The following HSPA12A variants were observed in gnomAD, a reference collection of about 807,000 sequenced individuals.
HSPA12A encodes the protein heat shock protein family A (Hsp70) member 12A.
HSPA12A carries 28 observed loss-of-function variants against 69.2 expected under a neutral mutation model. The ratio of observed to expected loss-of-function variants is 0.40; its 90% CI spans 0.30 to 0.55. The LOEUF (loss-of-function observed/expected upper bound fraction) is 0.55. Among genes scored for constraint, HSPA12A ranks in the 20% least tolerant of loss-of-function variants. HSPA12A has a pLI of 0.38. For missense variants in HSPA12A, 686 were observed against 900.7 expected (o/e 0.76, Z 3.05); for synonymous variants, 345 against 370.5 (o/e 0.93, Z 0.79).
rs1181358773 is a variant in HSPA12A, at chr10:116,781,357, A to AATGATG, written c.91+53572_91+53577dup. 5.3e-5 allele frequency among the ~76,000 whole-genome samples: 8 copies of AATGATG among 151,820 alleles called. No individual in the cohort carries two copies. The East Asian group carries it at 1.2e-3, about 22-fold the overall frequency. On this transcript the variant is annotated intron_variant, in intron 2 of 12. Coordinates refer to the HSPA12A transcript ENST00000635765. ...CTCTCTCTACTCCCCAATCAGTGCC[A>AATGATG]ATGATGATGATGATGATGATGATGA...
rs371370229 is a variant in HSPA12A at position 116,674,983 on chromosome 10, T to C, written c.1826A>G (p.Asn609Ser). The C allele has an allele frequency of 1.3e-5, 21 of 1,614,008 alleles. No homozygotes were observed. Among genetic ancestry groups the C allele is most frequent in the Non-Finnish European group, 1.7e-5 (20 of 1,180,010 alleles). ...VINIYSSEHD[N>S]VSFITDPGVK... ...CCCGGGATCAGTGATGAAGCTGACGTTGTCGTGCTCAGAGCTGTAGATGTT... is the reference window on the plus strand; with the variant it reads ...CCCGGGATCAGTGATGAAGCTGACGCTGTCGTGCTCAGAGCTGTAGATGTT... The change falls in exon 12 of 12, where the codon AAC becomes AGC. Residue 609 changes from asparagine (N) to serine (S), a missense_variant. Asn to Ser is a conservative substitution (Grantham distance 46, BLOSUM62 1). Transcript: ENST00000369209.
chr10:116,783,365 C>T (rs1244177795), intron 2 of HSPA12A, among the ~76,000 whole-genome samples: 1 of 152,184 alleles, frequency 6.6e-6, no homozygotes, highest in African/African-American at 2.4e-5. Context: ...AGCAGTATGG[C>T]TCGGGGCACA....
At chr10:116,810,591 T>C (rs1403918060) in intron 2 of HSPA12A, among the ~76,000 whole-genome samples, 4 of 152,220 alleles carry the variant, frequency 2.6e-5, no homozygotes, top group African/African-American at 9.6e-5. Context: ...CTGCAGATGG[T>C]CTAACCCAGT....
chr10:116,824,831 A>C (rs1177954061), intron 2 of HSPA12A, among the ~76,000 whole-genome samples: 1 of 151,826 alleles, frequency 6.6e-6, no homozygotes, highest in Admixed American at 6.6e-5. Context: ...ATGGGGTTTC[A>C]CCATGTTGGC....
At chr10:116,726,608 T>A (rs1473090014) in intron 1 of HSPA12A, among the ~76,000 whole-genome samples, 1 of 152,124 alleles carries the variant, frequency 6.6e-6, no homozygotes, top group Non-Finnish European at 1.5e-5. Context: ...GGGGTGCCTG[T>A]CAAACCACCA....
chr10:116,735,239 T>C (rs1851278773), intron 1 of HSPA12A, among the ~76,000 whole-genome samples: 1 of 152,240 alleles, frequency 6.6e-6, no homozygotes. Flanking sequence ...TATAGTTTTC[T>C]AAAGTTTGTA....
At chr10:116,679,392 T>C in intron 10 of HSPA12A, 111 bp downstream of exon 10, 1 of 1,344,990 alleles carries the variant, frequency 7.4e-7, no homozygotes, top group South Asian at 1.4e-5. Context: ...CCCAAGGTCA[T>C]ACAGCAAGTG....
intron 2 of HSPA12A, among the ~76,000 whole-genome samples, chr10:116,834,304 C>T (rs1004053851): frequency 6.6e-6 from 1 of 152,196 alleles, no homozygotes; most frequent in African/African-American, 2.4e-5. Context: ...CATTTAACAT[C>T]ATTAGTTAAC....
chr10:116,718,999 G>A (rs1850693193), intron 1 of HSPA12A, among the ~76,000 whole-genome samples: 1 of 152,172 alleles, frequency 6.6e-6, no homozygotes, highest in African/African-American at 2.4e-5. Flanking sequence ...TAGCTGTGCC[G>A]AAGTGCAGTG....
rs77745142 is a variant in HSPA12A at position 116,713,238 on chromosome 10, T to G, written c.41-5953A>C. The stretch of plus-strand genomic sequence containing the variant: ...TTTTATTACCCTATAACAGGCTTCA[T>G]GGCTAGCTGAACTAATGCATTATTA... On this transcript the variant is annotated intron_variant, in intron 1 of 11. Transcript: ENST00000369209. 3.4e-3 allele frequency among the ~76,000 whole-genome samples: 517 copies of G among 152,118 alleles called. 2 individuals are homozygous for G. Among genetic ancestry groups the G allele is most frequent in the Non-Finnish European group, 6.1e-3 (417 of 68,010 alleles).
chr10:116,727,967 A>G (rs1554885259), intron 1 of HSPA12A, among the ~76,000 whole-genome samples: 1 of 151,546 alleles, frequency 6.6e-6, no homozygotes, highest in African/African-American at 2.4e-5. Context: ...TCGCCACTGC[A>G]CCCAGCTAAT....
At chr10:116,713,010 A>ATATATATATATATATATATATATC (rs1850487422) in intron 1 of HSPA12A, among the ~76,000 whole-genome samples, 1 of 116,848 alleles carries the variant, frequency 8.6e-6, no homozygotes, top group Non-Finnish European at 1.8e-5. Flanking sequence ...ATATATATAT[A>ATATATATATATATATATATATATC]TTTGCATTTC....
chr10:116,676,374 G>T, intron 11 of HSPA12A, 25 bp downstream of exon 11: 1 of 1,585,772 alleles, frequency 6.3e-7, no homozygotes. Context: ...GCCTCGCCGA[G>T]TGGCCGAGCC....
At chr10:116,726,578 A>G (rs1850969671) in intron 1 of HSPA12A, among the ~76,000 whole-genome samples, 1 of 152,052 alleles carries the variant, frequency 6.6e-6, no homozygotes, top group Non-Finnish European at 1.5e-5. Context: ...ACCATCCCCA[A>G]TTTCCCACAG....
intron 2 of HSPA12A, among the ~76,000 whole-genome samples, chr10:116,819,090 C>T (rs1845361990): frequency 6.6e-6 from 1 of 152,178 alleles, no homozygotes; most frequent in Non-Finnish European, 1.5e-5. Flanking sequence ...GACTTTTCCT[C>T]TTCTTCACAA....
chr10:116,750,909 G>A (rs1851762930), intron 2 of HSPA12A, among the ~76,000 whole-genome samples: 1 of 152,052 alleles, frequency 6.6e-6, no homozygotes, highest in South Asian at 2.1e-4. Flanking sequence ...GGAGGTCGAG[G>A]TTGCAGTGAG....
At chr10:116,801,174 A>G (rs1844947816) in intron 2 of HSPA12A, among the ~76,000 whole-genome samples, 1 of 152,220 alleles carries the variant, frequency 6.6e-6, no homozygotes, top group African/African-American at 2.4e-5. Context: ...TTCATCCAGA[A>G]CAAACATGTG....
At chr10:116,736,946 C>T (rs1851336201) in intron 1 of HSPA12A, among the ~76,000 whole-genome samples, 1 of 152,116 alleles carries the variant, frequency 6.6e-6, no homozygotes, top group Non-Finnish European at 1.5e-5. Flanking sequence ...TAAGTTGGGA[C>T]ATTTATTCAT....
intron 2 of HSPA12A, among the ~76,000 whole-genome samples, chr10:116,801,959 G>T (rs1844966135): frequency 6.6e-6 from 1 of 152,140 alleles, no homozygotes; most frequent in Non-Finnish European, 1.5e-5. Flanking sequence ...ACTTCTGTGT[G>T]AGTCTAAAAT....
Sources: gnomAD v4.1 joint callset for allele counts (sites outside exome capture counted in the v4.1 genomes callset) on GRCh38, gnomAD v4.1.1 for gene constraint, MANE v1.5 for transcripts, NCBI Gene and HGNC (gene_info 2026-07-23, HGNC 2026-07-21) for gene names.